Variants in CFAP300 observed in about 807,000 individuals in gnomAD.
The protein encoded by CFAP300 is cilia and flagella associated protein 300, also known as cilia- and flagella-associated protein 300.
Under a neutral mutation model 33.0 loss-of-function variants are expected in CFAP300, and 32 were observed. That is an observed-to-expected ratio of 0.97 (90% CI 0.73 to 1.30). The LOEUF (loss-of-function observed/expected upper bound fraction) is 1.30. CFAP300 is among the 50% of genes most tolerant of loss of function. CFAP300 has a pLI of 0.00. For missense variants in CFAP300, 356 were observed against 318.1 expected (o/e 1.12, Z -0.90); for synonymous variants, 102 against 106.8 (o/e 0.95, Z 0.28).
At chr11:102,069,789 C>T (rs536874112) in intron 4 of CFAP300, among the ~76,000 whole-genome samples, 5 of 151,814 alleles carry the variant, frequency 3.3e-5, no homozygotes, top group East Asian at 3.9e-4. Flanking sequence ...GGTGACAGAA[C>T]GAGACTCCAT....
chr11:102,080,700 C>G (rs772675110), intron 5 of CFAP300, among the ~76,000 whole-genome samples: 14 of 151,974 alleles, frequency 9.2e-5, no homozygotes, highest in Non-Finnish European at 2.1e-4. Flanking sequence ...GCGACCGGCC[C>G]ACAAATAGTT....
At chr11:102,062,632 A>G (rs1449754679) in intron 3 of CFAP300, among the ~76,000 whole-genome samples, 1 of 152,246 alleles carries the variant, frequency 6.6e-6, no homozygotes, top group East Asian at 1.9e-4. Context: ...TGCTTATAGT[A>G]AAGTATGAAA....
intron 2 of CFAP300, among the ~76,000 whole-genome samples, chr11:102,055,377 G>GTTTTTTTTTT (rs1591315054): frequency 2.8e-5 from 1 of 35,608 alleles, no homozygotes. Context: ...TTTTTTTTGA[G>GTTTTTTTTTT]ATAGGGTCTC....
intron 2 of CFAP300, among the ~76,000 whole-genome samples, chr11:102,052,875 A>G (rs1441816504): frequency 6.6e-6 from 1 of 152,180 alleles, no homozygotes; most frequent in Non-Finnish European, 1.5e-5. Context: ...TCCACGCTGC[A>G]GCCAGAATGA....
chr11:102,062,963 G>A (rs1160112185), intron 3 of CFAP300, among the ~76,000 whole-genome samples: 2 of 152,234 alleles, frequency 1.3e-5, no homozygotes, highest in African/African-American at 2.4e-5. Context: ...GAGCTATTGG[G>A]CTGTGAACAT....
Position 102,081,330 on chromosome 11 carries a change from T to A in CFAP300, c.675+49T>A, listed in dbSNP as rs766510941. The A allele has an allele frequency of 6.8e-6, 10 of 1,465,328 alleles. No homozygotes were observed. The South Asian group carries it at 1.0e-4, about 15-fold the overall frequency. The allele number at this position is 1,465,328 out of a possible 1,614,324, so 90.8% of individuals were successfully genotyped here. A position where few individuals can be genotyped will look rare whatever the true frequency, so the allele number is the denominator to read the frequency against. On this transcript the variant is annotated intron_variant, in intron 6 of 6. Transcript: ENST00000434758. Reference sequence around the variant, plus strand: ...ACCAAAGAATTTAATTACTTTTTATTAATAGAGTTGTTACAACTGGAGTTA... The same window carrying A: ...ACCAAAGAATTTAATTACTTTTTATAAATAGAGTTGTTACAACTGGAGTTA...
chr11:102,052,869 C>T (rs552914053), intron 2 of CFAP300, among the ~76,000 whole-genome samples: 22 of 152,178 alleles, frequency 1.4e-4, no homozygotes, highest in Non-Finnish European at 2.9e-4. Context: ...TCATTCTCCA[C>T]GCTGCAGCCA....
At chr11:102,073,991 T>A (rs1401145023) in intron 4 of CFAP300, among the ~76,000 whole-genome samples, 4 of 152,120 alleles carry the variant, frequency 2.6e-5, no homozygotes, top group African/African-American at 4.8e-5. Context: ...GGGGAACACA[T>A]ACTTTGTCTC....
intron 3 of CFAP300, among the ~76,000 whole-genome samples, chr11:102,060,770 TA>T (rs1317912909): frequency 6.6e-6 from 1 of 152,162 alleles, no homozygotes; most frequent in Non-Finnish European, 1.5e-5. Context: ...AAAAGTAACT[TA>T]AAGTATTAGT....
intron 6 of CFAP300, among the ~76,000 whole-genome samples, chr11:102,082,298 C>T (rs1468321285): frequency 6.6e-6 from 1 of 151,666 alleles, no homozygotes; most frequent in Non-Finnish European, 1.5e-5. Context: ...ATTGCTTGAA[C>T]CCAGGAAGCA....
At position 102,075,012 on chromosome 11, in the gene CFAP300, A is replaced by G. The variant is rs562871668; in HGVS notation, c.436-861A>G. On this transcript the variant is annotated intron_variant, in intron 4 of 6. Coordinates refer to ENST00000434758, the MANE Select transcript of CFAP300 (RefSeq NM_032930.3). The stretch of plus-strand genomic sequence containing the variant: ...ACAAACCACCATGCCCAGCCTTCAC[A>G]TTCTATTTTTAAAATAGGGAGGCTG... Among the ~76,000 whole-genome samples, 240 of 152,122 alleles carry G rather than the reference A, an allele frequency of 1.6e-3. 1 individual carries two copies. The highest frequency in any genetic ancestry group is 5.6e-3 in the African/African-American group (234 of 41,528).
chr11:102,050,053 G>T (rs1325607818), intron 2 of CFAP300, among the ~76,000 whole-genome samples: 2 of 152,152 alleles, frequency 1.3e-5, no homozygotes, highest in Non-Finnish European at 2.9e-5. Context: ...TACTTGCGGG[G>T]CTGAGGTGGG....
intron 3 of CFAP300, among the ~76,000 whole-genome samples, chr11:102,060,276 A>ATT (rs773964052): frequency 2.3e-5 from 3 of 130,006 alleles, no homozygotes; most frequent in South Asian, 2.5e-4. Flanking sequence ...CTCAGCCTAA[A>ATT]TTTTTTTTTT....
At position 102,081,311 on chromosome 11, in the gene CFAP300, G is replaced by T. The variant is rs376442336; in HGVS notation, c.675+30G>T. 5.1e-6 allele frequency: 8 copies of T among 1,560,244 alleles called. No individual in the cohort carries two copies. In the African/African-American group the frequency reaches 8.1e-5, roughly 16 times the overall value. On this transcript the variant is annotated intron_variant, in intron 6 of 6. Transcript: ENST00000434758. ...GTGTGAGAGAACTTTTGCAACCAAA[G>T]AATTTAATTACTTTTTATTAATAGA...
chr11:102,056,812 G>C (rs1326651894), intron 2 of CFAP300, among the ~76,000 whole-genome samples: 5 of 151,850 alleles, frequency 3.3e-5, no homozygotes, highest in Admixed American at 6.6e-5. Flanking sequence ...TTTCAGTACA[G>C]ACGGGGTTCG....
chr11:102,057,339 C>CA (rs68076980), intron 2 of CFAP300, among the ~76,000 whole-genome samples: 1,797 of 129,910 alleles, frequency 0.014, 24 homozygotes, highest in African/African-American at 0.033. Context: ...AACTCCATCT[C>CA]AAAAAAAAAA....
rs756889795 is a variant in CFAP300 at position 102,066,436 on chromosome 11, A to G, written c.269-49A>G. 16 of 1,379,178 alleles carry G rather than the reference A, an allele frequency of 1.2e-5. No individual in the cohort carries two copies. In the South Asian group the frequency reaches 2.0e-4, roughly 17 times the overall value. 85.4% of individuals were successfully genotyped at this position (1,379,178 alleles called of 1,614,324 possible). A position where few individuals can be genotyped will look rare whatever the true frequency, so the allele number is the denominator to read the frequency against. Reference sequence around the variant, plus strand: ...ATTTATTTTGGAAATAGTTGAGAATACTAAATTAATTTTTCTATCTCCATT... The same window carrying G: ...ATTTATTTTGGAAATAGTTGAGAATGCTAAATTAATTTTTCTATCTCCATT... On this transcript the variant is annotated intron_variant, in intron 3 of 6. Transcript: ENST00000434758.
chr11:102,058,954 A>G lies in CFAP300; in HGVS notation c.267A>G (p.Leu89=). Residue 89 remains leucine (L), a splice_region_variant and synonymous_variant, in exon 3 of 7, where the codon TTA becomes TTG. Coordinates refer to ENST00000434758, the MANE Select transcript of CFAP300 (RefSeq NM_032930.3). ...ATTCTTCTGGACAATGGATCATATT[A>G]GGTAAATAAAATTTTCATCTTTTCA... ...LSDSSGQWII[L]GTEVKKIEAI... is the part of the protein sequence containing the mutation. 6.5e-7 allele frequency: 1 copy of G among 1,530,242 alleles called. No homozygotes were observed. Among genetic ancestry groups the G allele is most frequent in the Middle Eastern group, 1.8e-4 (1 of 5,456 alleles). The allele number at this position is 1,530,242 out of a possible 1,614,324, so 94.8% of individuals were successfully genotyped here. A position where few individuals can be genotyped will look rare whatever the true frequency, so the allele number is the denominator to read the frequency against.
chr11:102,075,919 C>T lies in CFAP300; in HGVS notation c.482C>T (p.Pro161Leu), dbSNP rs745659546. Residue 161 changes from proline (P) to leucine (L), a missense_variant, in exon 5 of 7, where the codon CCA becomes CTA. Transcript: ENST00000434758. ...GAAAAATATGAAATATTCAGCCAAC[C>T]AGATAGAGAAGAGTTCCTGTTTTGT... is the stretch of plus-strand genomic sequence containing the variant. ...DSEKYEIFSQ[P>L]DREEFLFCLF... 1.4e-5 allele frequency: 23 copies of T among 1,613,328 alleles called. No individual in the cohort carries two copies. Among genetic ancestry groups the T allele is most frequent in the Non-Finnish European group, 1.9e-5 (22 of 1,179,764 alleles).
Sources: allele counts gnomAD v4.1 joint callset (sites outside exome capture counted in the v4.1 genomes callset), GRCh38; gene constraint gnomAD v4.1.1; transcripts MANE v1.5; gene names NCBI Gene and HGNC (gene_info 2026-07-23, HGNC 2026-07-21).